PABPC1L: variants seen among roughly 807,000 people sequenced by gnomAD.
The protein encoded by PABPC1L is polyadenylate-binding protein 1-like.
In PABPC1L, 31 loss-of-function variants were observed where a neutral mutation model predicts 66.6. The ratio of observed to expected loss-of-function variants is 0.47; its 90% confidence interval spans 0.35 to 0.63. The LOEUF (loss-of-function observed/expected upper bound fraction) is 0.63, where lower values mean the gene tolerates loss of function less well. Ranked by LOEUF, PABPC1L falls within the 20% of genes least tolerant of loss-of-function variation. The pLI is 0.00. For synonymous variants in PABPC1L, 348 were observed against 335.1 expected, an observed-to-expected ratio of 1.04 and a Z score of -0.42; for missense variants, 722 against 848.8, an observed-to-expected ratio of 0.85 and a Z score of 1.86.
chr20:44,912,982 AC>A, intron 2 of PABPC1L, 129 bp downstream of exon 2: 2 of 758,490 alleles, frequency 2.6e-6, no homozygotes, highest in Non-Finnish European at 4.1e-6. Flanking sequence ...TACAGCAAGC[AC>A]CTGAATGACA....
intron 8 of PABPC1L, among the ~76,000 whole-genome samples, 182 bp downstream of exon 8, chr20:44,930,908 A>G (rs746758835): frequency 3.7e-4 from 57 of 152,238 alleles, no homozygotes; most frequent in Non-Finnish European, 6.5e-4. Flanking sequence ...GGCATTTCCC[A>G]GTGAGAGAAG....
chr20:44,939,140 G>A lies in PABPC1L; in HGVS notation c.*21G>A, dbSNP rs41282040. 4,725 of 717,940 alleles carry A rather than the reference G, an allele frequency of 6.6e-3. 142 individuals are homozygous for A. The highest frequency in any genetic ancestry group is 0.064 in the African/African-American group (3,693 of 57,344). 44.5% of individuals were successfully genotyped at this position (717,940 alleles called of 1,614,324 possible). On this transcript the variant is annotated 3_prime_UTR_variant, in exon 15 of 15. Transcript: ENST00000217073. Reference sequence around the variant, plus strand: ...TTTGTCCTCAGAAAAGGAAATCCTCGCTTCCATGGCTGCCAAAAGGACAGT... The same window carrying A: ...TTTGTCCTCAGAAAAGGAAATCCTCACTTCCATGGCTGCCAAAAGGACAGT...
chr20:44,932,922 A>G (rs770047494), intron 9 of PABPC1L, 135 bp from the exon 10 acceptor site: 26 of 616,280 alleles, frequency 4.2e-5, no homozygotes, highest in Non-Finnish European at 6.6e-5. Context: ...ATTGACTCCT[A>G]TTTCTGTTGT....
At chr20:44,920,712 A>G (rs917344373) in intron 5 of PABPC1L, among the ~76,000 whole-genome samples, 1 of 149,442 alleles carries the variant, frequency 6.7e-6, no homozygotes, top group East Asian at 2.0e-4. Context: ...CAAGTGATCC[A>G]CCCGCCTTGG....
At chr20:44,925,152 G>T (rs1455739491) in intron 7 of PABPC1L, among the ~76,000 whole-genome samples, 3 of 146,892 alleles carry the variant, frequency 2.0e-5, no homozygotes, top group African/African-American at 7.6e-5. Flanking sequence ...GGCGGAGCTT[G>T]CAGTGAGCCA....
At chr20:44,927,058 T>C (rs1208076800) in intron 7 of PABPC1L, among the ~76,000 whole-genome samples, 3 of 151,664 alleles carry the variant, frequency 2.0e-5, no homozygotes, top group Non-Finnish European at 2.9e-5. Flanking sequence ...AAAAAAATTT[T>C]TTTTTGGTAG....
intron 1 of PABPC1L, among the ~76,000 whole-genome samples, chr20:44,910,700 A>G (rs2066698446): frequency 6.6e-6 from 1 of 152,170 alleles, no homozygotes; most frequent in South Asian, 2.1e-4. Flanking sequence ...TGGGGGTCCT[A>G]GCTGCCTTAT....
intron 2 of PABPC1L, among the ~76,000 whole-genome samples, chr20:44,916,175 C>T (rs2066736423): frequency 6.6e-6 from 1 of 152,206 alleles, no homozygotes; most frequent in Admixed American, 6.5e-5. Context: ...GAATCTAACC[C>T]TTTTGCCCAT....
rs142717701 is a variant in PABPC1L at position 44,919,483 on chromosome 20, C to T, written c.738+206C>T. The stretch of plus-strand genomic sequence containing the variant: ...TTGGTCACTTCTAAGCCCTGATGTC[C>T]GCAGAGCTGAATATTTAGGTAGGGA... On this transcript the variant is annotated intron_variant, in intron 5 of 14. Coordinates refer to ENST00000217073, the MANE Select transcript of PABPC1L (RefSeq NM_001372179.1). 3.7e-3 allele frequency among the ~76,000 whole-genome samples: 557 copies of T among 152,274 alleles called. 5 individuals carry two copies. The highest frequency in any genetic ancestry group is 0.011 in the African/African-American group (468 of 41,564).
intron 7 of PABPC1L, among the ~76,000 whole-genome samples, chr20:44,929,437 C>T (rs1017914926): frequency 4.6e-5 from 7 of 152,104 alleles, no homozygotes; most frequent in African/African-American, 1.7e-4. Context: ...AATAGCATTG[C>T]ACCAGTGTTA....
chr20:44,938,332 C>A, intron 13 of PABPC1L, 141 bp downstream of exon 13: 1 of 1,193,422 alleles, frequency 8.4e-7, no homozygotes, highest in Non-Finnish European at 1.1e-6. Context: ...CCTGCTGAAT[C>A]TTAAGAGTGG....
chr20:44,922,491 C>G (rs2066781012), intron 6 of PABPC1L, among the ~76,000 whole-genome samples: 1 of 152,184 alleles, frequency 6.6e-6, no homozygotes, highest in African/African-American at 2.4e-5. Context: ...CCGCCTCAGC[C>G]TCCCAAAGTG....
rs757265688 is a variant in PABPC1L, at chr20:44,936,698, C to T, written c.1628C>T (p.Ala543Val). The T allele has an allele frequency of 3.7e-6, 6 of 1,608,156 alleles. No homozygotes were observed. Among genetic ancestry groups the T allele is most frequent in the Non-Finnish European group, 4.2e-6 (5 of 1,178,142 alleles). ...CCCCTGACCGCGTCCATGCTGGCTG[C>T]GGCGCCCCTGCATGAGCAAAAGCAG... Reference protein sequence around the residue: ...QEPLTASMLAAAPLHEQKQMI... With the variant: ...QEPLTASMLAVAPLHEQKQMI... Residue 543 changes from alanine to valine, a missense_variant, in exon 12 of 15, where the codon GCG becomes GTG. This residue lies in a region of PABPC1L where 301 missense variants were observed against 337.2 expected (regional missense o/e 0.89). Transcript: ENST00000217073.
intron 5 of PABPC1L, among the ~76,000 whole-genome samples, chr20:44,919,952 TAGTTGCAGTTAGAACCTA>T (rs1249035215): frequency 2.0e-5 from 3 of 152,226 alleles, no homozygotes; most frequent in Non-Finnish European, 2.9e-5. Context: ...TATCCATGTG[TAGTTGCAGTTAGAACCTA>T]AATTTTTTTA....
At position 44,934,979 on chromosome 20, in the gene PABPC1L, A is replaced by G. The variant is rs1227798538; in HGVS notation, c.1460-412A>G. ...GCTACTTGGTAGGCTGAGACAAGAG[A>G]ATTGATTGAACCCAGGAGGGGGAGG... On this transcript the variant is annotated intron_variant, in intron 10 of 14. Coordinates refer to ENST00000217073, the MANE Select transcript of PABPC1L (RefSeq NM_001372179.1). 3.3e-5 allele frequency among the ~76,000 whole-genome samples: 5 copies of G among 152,064 alleles called. No homozygotes were observed. In the East Asian group the frequency reaches 7.7e-4, roughly 24 times the overall value.
intron 2 of PABPC1L, among the ~76,000 whole-genome samples, chr20:44,914,373 A>AT (rs548516730): frequency 1.3e-5 from 2 of 151,328 alleles, no homozygotes; most frequent in Non-Finnish European, 2.9e-5. Context: ...CGCCCAGCTA[A>AT]TTTTTTTTGT....
At chr20:44,912,315 G>A (rs2066710577) in intron 1 of PABPC1L, among the ~76,000 whole-genome samples, 2 of 152,168 alleles carry the variant, frequency 1.3e-5, no homozygotes, top group Non-Finnish European at 2.9e-5. Flanking sequence ...TTAGAATCCA[G>A]AATAGACCTG....
chr20:44,915,719 A>G (rs1169261245), intron 2 of PABPC1L, among the ~76,000 whole-genome samples: 1 of 151,716 alleles, frequency 6.6e-6, no homozygotes, highest in African/African-American at 2.4e-5. Flanking sequence ...GAATCGCTTG[A>G]ACCTGGGAGG....
Position 44,939,229 on chromosome 20 carries a change from A to G in PABPC1L, c.*110A>G, listed in dbSNP as rs1475187474. On this transcript the variant is annotated 3_prime_UTR_variant, in exon 15 of 15. Transcript: ENST00000217073. ...CTTATTTCCCAATTAGTCTGTATCTATACTTGGGCTCTGTATGTGAATGAA... is the reference window on the plus strand; with the variant it reads ...CTTATTTCCCAATTAGTCTGTATCTGTACTTGGGCTCTGTATGTGAATGAA... The G allele has an allele frequency of 7.0e-6, 5 of 717,592 alleles. No homozygotes were observed. Among genetic ancestry groups the G allele is most frequent in the Middle Eastern group, 2.3e-4 (1 of 4,396 alleles). 44.5% of individuals were successfully genotyped at this position (717,592 alleles called of 1,614,324 possible).
Sources: allele counts gnomAD v4.1 joint callset (sites outside exome capture counted in the v4.1 genomes callset), GRCh38; gene constraint gnomAD v4.1.1; regional missense constraint gnomAD v4.1.1; transcripts MANE v1.5; gene names NCBI Gene and HGNC (gene_info 2026-07-23, HGNC 2026-07-21).